EEPD1: variants seen among roughly 807,000 people sequenced by gnomAD.
EEPD1 encodes the protein endonuclease/exonuclease/phosphatase family domain containing 1, also known as endonuclease/exonuclease/phosphatase family domain-containing protein 1.
Under a neutral mutation model 46.3 loss-of-function variants are expected in EEPD1, and 17 were observed. That is an observed-to-expected ratio of 0.37 (90% CI 0.25 to 0.55). The LOEUF is 0.55. Among genes scored for constraint, EEPD1 ranks in the 20% least tolerant of loss-of-function variants. The pLI, the probability that EEPD1 is intolerant of heterozygous loss-of-function variation, is 0.83. For synonymous variants in EEPD1, 313 were observed against 315.6 expected, an observed-to-expected ratio of 0.99 and a Z score of 0.09; for missense variants, 673 against 745.6, an observed-to-expected ratio of 0.90 and a Z score of 1.13.
chr7:36,273,371 C>T (rs1330271484), intron 3 of EEPD1, among the ~76,000 whole-genome samples: 3 of 152,058 alleles, frequency 2.0e-5, no homozygotes, highest in African/African-American at 7.2e-5. Context: ...CCATTCCTCC[C>T]CCTGGCTTTT....
intron 1 of EEPD1, among the ~76,000 whole-genome samples, 165 bp from the exon 2 acceptor site, chr7:36,153,968 G>A (rs1405829633): frequency 2.0e-5 from 3 of 152,144 alleles, no homozygotes; most frequent in Non-Finnish European, 4.4e-5. Flanking sequence ...GACGTCCCTA[G>A]AGGAGAATCC....
Position 36,296,980 on chromosome 7 carries a change from C to T in EEPD1, c.1316-13C>T. On this transcript the variant is annotated splice_polypyrimidine_tract_variant and intron_variant, in intron 6 of 7. Coordinates refer to ENST00000242108, the MANE Select transcript of EEPD1 (RefSeq NM_030636.3). ...AACAACTCTTAAACTCATTTTCTTC[C>T]TTCCACTTCCAGGAGAAAAGGATGT... 2 of 1,612,554 alleles carry T rather than the reference C, an allele frequency of 1.2e-6. No homozygotes were observed. The highest frequency in any genetic ancestry group is 1.7e-6 in the Non-Finnish European group (2 of 1,178,808).
intron 3 of EEPD1, among the ~76,000 whole-genome samples, chr7:36,252,127 T>C (rs1328088092): frequency 4.6e-5 from 7 of 152,184 alleles, no homozygotes; most frequent in Admixed American, 4.6e-4. Flanking sequence ...GTCTTCTTAT[T>C]GATTCTGGAT....
intron 7 of EEPD1, among the ~76,000 whole-genome samples, chr7:36,297,404 A>T (rs540611801): frequency 1.3e-5 from 2 of 152,232 alleles, no homozygotes; most frequent in African/African-American, 4.8e-5. Flanking sequence ...CCATTCTCTA[A>T]TTGTTTTTGT....
chr7:36,288,489 G>A (rs1049639247), intron 6 of EEPD1, among the ~76,000 whole-genome samples: 2 of 152,136 alleles, frequency 1.3e-5, no homozygotes, highest in South Asian at 2.1e-4. Flanking sequence ...AGCTAGGCAC[G>A]GTAGCTCATG....
In EEPD1 at chr7:36,297,692, G is replaced by A. The variant is rs549713250; in HGVS notation, c.1510+505G>A. On this transcript the variant is annotated intron_variant, in intron 7 of 7. Transcript: ENST00000242108. ...GCAGTGTGTAGACATGCTATGAGGT[G>A]GACATGCTGTGAGGTGAACAGGTGT... 3.3e-5 allele frequency among the ~76,000 whole-genome samples: 5 copies of A among 152,274 alleles called. No homozygotes were observed. The South Asian group carries it at 1.0e-3, about 32-fold the overall frequency.
intron 3 of EEPD1, among the ~76,000 whole-genome samples, chr7:36,264,340 C>A (rs898392562): frequency 2.0e-5 from 3 of 152,214 alleles, no homozygotes; most frequent in Non-Finnish European, 1.5e-5. Flanking sequence ...CAGCCACTTG[C>A]CCTGTGGATA....
At chr7:36,250,089 G>A (rs1383146058) in intron 3 of EEPD1, among the ~76,000 whole-genome samples, 1 of 152,116 alleles carries the variant, frequency 6.6e-6, no homozygotes, top group Non-Finnish European at 1.5e-5. Context: ...GAGCATGGTA[G>A]CATACATTTG....
chr7:36,270,709 G>A (rs1787089630), intron 3 of EEPD1, among the ~76,000 whole-genome samples: 1 of 152,140 alleles, frequency 6.6e-6, no homozygotes, highest in South Asian at 2.1e-4. Context: ...TATCATTGAT[G>A]GGCATTTGGG....
At chr7:36,183,176 T>A (rs1237698873) in intron 2 of EEPD1, among the ~76,000 whole-genome samples, 2 of 152,206 alleles carry the variant, frequency 1.3e-5, no homozygotes, top group Non-Finnish European at 2.9e-5. Flanking sequence ...CTGTGTAGTG[T>A]TCCTGAGTGT....
intron 2 of EEPD1, among the ~76,000 whole-genome samples, chr7:36,206,406 A>C (rs73687001): frequency 0.014 from 2,185 of 151,948 alleles, 53 homozygotes; most frequent in African/African-American, 0.05. Context: ...CAATATGAAA[A>C]CTATTAAGGA....
At chr7:36,228,017 G>A (rs1218241766) in intron 2 of EEPD1, among the ~76,000 whole-genome samples, 1 of 152,116 alleles carries the variant, frequency 6.6e-6, no homozygotes, top group Non-Finnish European at 1.5e-5. Flanking sequence ...GGCTGAGATG[G>A]GAGGATCGCT....
intron 7 of EEPD1, among the ~76,000 whole-genome samples, chr7:36,297,837 A>G (rs1256302814): frequency 6.6e-6 from 1 of 152,250 alleles, no homozygotes; most frequent in African/African-American, 2.4e-5. Context: ...ACAGTCAACA[A>G]TATGGAAGAG....
intron 3 of EEPD1, among the ~76,000 whole-genome samples, chr7:36,247,230 A>T (rs913972214): frequency 6.6e-6 from 1 of 152,174 alleles, no homozygotes; most frequent in African/African-American, 2.4e-5. Context: ...GCTTCCTGGG[A>T]ATTTTCAGAA....
At chr7:36,182,812 T>TA (rs1261074329) in intron 2 of EEPD1, among the ~76,000 whole-genome samples, 2 of 152,260 alleles carry the variant, frequency 1.3e-5, no homozygotes, top group Non-Finnish European at 2.9e-5. Context: ...ATGCAGGCAC[T>TA]AAAAACTGCA....
intron 2 of EEPD1, chr7:36,228,866 T>C (rs975795248): frequency 2.6e-5 from 4 of 152,224 alleles, no homozygotes; most frequent in African/African-American, 4.8e-5. Context: ...AGGGCTGTTA[T>C]TAAGGATGAA....
intron 2 of EEPD1, among the ~76,000 whole-genome samples, chr7:36,192,708 A>T (rs986287335): frequency 2.0e-5 from 3 of 152,140 alleles, no homozygotes; most frequent in Admixed American, 6.5e-5. Context: ...CATTTTTTTT[A>T]AAAATGAGAT....
At chr7:36,290,796 A>G (rs1266871710) in intron 6 of EEPD1, among the ~76,000 whole-genome samples, 3 of 152,164 alleles carry the variant, frequency 2.0e-5, no homozygotes, top group Non-Finnish European at 4.4e-5. Context: ...TTATAAATCT[A>G]GAGACTCTCT....
intron 2 of EEPD1, among the ~76,000 whole-genome samples, chr7:36,179,767 G>A (rs149162517): frequency 1.3e-3 from 192 of 150,548 alleles, no homozygotes; most frequent in African/African-American, 1.8e-3. Context: ...TAATGATTAC[G>A]TAGAACTGTA....
Sources: allele counts gnomAD v4.1 joint callset (sites outside exome capture counted in the v4.1 genomes callset), GRCh38; gene constraint gnomAD v4.1.1; transcripts MANE v1.5; gene names NCBI Gene and HGNC (gene_info 2026-07-23, HGNC 2026-07-21).